Variants in NAALADL2 observed in about 807,000 individuals in gnomAD.
NAALADL2 encodes the protein inactive N-acetylated-alpha-linked acidic dipeptidase-like protein 2.
Under a neutral mutation model 87.2 loss-of-function variants are expected in NAALADL2, and 76 were observed. The ratio of observed to expected loss-of-function variants is 0.87; its 90% CI spans 0.72 to 1.05. The LOEUF is 1.05. Among genes scored for constraint, NAALADL2 ranks in the 50% least tolerant of loss-of-function variants. The probability of loss-of-function intolerance (pLI) is 0.00; values close to 1 mark genes in which losing one functional copy is unlikely to be tolerated. For synonymous variants in NAALADL2, 354 were observed against 331.0 expected, an observed-to-expected ratio of 1.07 and a Z score of -0.75; for missense variants, 1,089 against 945.8, an observed-to-expected ratio of 1.15 and a Z score of -1.99.
At chr3:175,282,579 CT>C (rs528870238) in intron 4 of NAALADL2, among the ~76,000 whole-genome samples, 4 of 152,164 alleles carry the variant, frequency 2.6e-5, no homozygotes, top group African/African-American at 7.2e-5. Context: ...ACCTATCTAC[CT>C]GTCACCTGCC....
rs142110969 is a variant in NAALADL2, at chr3:175,354,881, TACACAC to T, written c.1090+30574_1090+30579del. Among the ~76,000 whole-genome samples the T allele has an allele frequency of 1.4e-4, 21 of 146,934 alleles. No individual in the cohort carries two copies. In the East Asian group the frequency reaches 4.0e-3, roughly 28 times the overall value. ...CTATACATACATACATACATATATA[TACACAC>T]ACACACACACACACACATATACACA... On this transcript the variant is annotated intron_variant, in intron 5 of 13. Coordinates refer to ENST00000454872, the MANE Select transcript of NAALADL2 (RefSeq NM_207015.3).
intron 2 of NAALADL2, among the ~76,000 whole-genome samples, chr3:175,215,980 A>G (rs1034336699): frequency 6.6e-6 from 1 of 152,174 alleles, no homozygotes; most frequent in African/African-American, 2.4e-5. Flanking sequence ...ATTAATTTCT[A>G]TGACATGATG....
rs1487731303 is a variant in NAALADL2, at chr3:175,803,596, A to G, written c.*393A>G. On this transcript the variant is annotated 3_prime_UTR_variant, in exon 14 of 14. Transcript: ENST00000454872. ...GAGCTATTAATGACTTAGTTTCTGT[A>G]AAAGAAATGGAGAGTTGATATGGTT... The G allele has an allele frequency of 6.7e-6, 1 of 150,202 alleles. No homozygotes were observed. The highest frequency in any genetic ancestry group is 2.7e-5 in the African/African-American group (1 of 37,018). 9.3% of individuals were successfully genotyped at this position (150,202 alleles called of 1,614,324 possible). A position where few individuals can be genotyped will look rare whatever the true frequency, so the allele number is the denominator to read the frequency against.
At chr3:175,183,641 T>A (rs1444593475) in intron 2 of NAALADL2, among the ~76,000 whole-genome samples, 2 of 152,104 alleles carry the variant, frequency 1.3e-5, no homozygotes, top group Admixed American at 6.6e-5. Flanking sequence ...TTTATAGGTT[T>A]GTGTGTATTA....
chr3:174,521,571 CAAAAAAAAAAAAA>C (rs58465181), intron 1 of NAALADL2, among the ~76,000 whole-genome samples: 1 of 56,190 alleles, frequency 1.8e-5, no homozygotes, highest in African/African-American at 7.2e-5. Context: ...GACCCTGTCT[CAAAAAAAAAAAAA>C]AAAAAAAAAA....
chr3:175,536,735 G>A (rs1225087812), intron 9 of NAALADL2, among the ~76,000 whole-genome samples: 1 of 152,122 alleles, frequency 6.6e-6, no homozygotes. Context: ...GGATGGTTGC[G>A]ATCTCCTGAC....
At chr3:174,926,557 T>G (rs1259554151) in intron 1 of NAALADL2, among the ~76,000 whole-genome samples, 1 of 152,098 alleles carries the variant, frequency 6.6e-6, no homozygotes, top group Non-Finnish European at 1.5e-5. Flanking sequence ...TATTCAACAT[T>G]CTTAAAGAAA....
chr3:175,097,055 A>C lies in NAALADL2; in HGVS notation c.309A>C (p.Glu103Asp). Reference sequence around the variant, plus strand: ...GAAGGTTCCAGAGACTTCAAGAAGAATCTGACTACATTACCCATTATACAC... The same window carrying C: ...GAAGGTTCCAGAGACTTCAAGAAGACTCTGACTACATTACCCATTATACAC... The part of the protein sequence containing the change: ...PKGRFQRLQE[E>D]SDYITHYTRS... The change falls in exon 2 of 14, where the codon GAA becomes GAC. Residue 103 changes from glutamate (E) to aspartate (D), a missense_variant. Glu to Asp is a conservative substitution (Grantham distance 45). Coordinates refer to ENST00000454872, the MANE Select transcript of NAALADL2 (RefSeq NM_207015.3). 1.2e-6 allele frequency: 2 copies of C among 1,613,780 alleles called. No homozygotes were observed. The highest frequency in any genetic ancestry group is 2.7e-5 in the African/African-American group (2 of 75,042).
At chr3:174,490,422 T>C (rs1718108460) in intron 1 of NAALADL2, among the ~76,000 whole-genome samples, 1 of 152,090 alleles carries the variant, frequency 6.6e-6, no homozygotes, top group Admixed American at 6.6e-5. Context: ...GAATGACTGT[T>C]AATGGGCATG....
intron 5 of NAALADL2, among the ~76,000 whole-genome samples, chr3:175,417,244 T>C (rs1714813863): frequency 6.6e-6 from 1 of 151,776 alleles, no homozygotes; most frequent in South Asian, 2.1e-4. Flanking sequence ...GCATCTACTC[T>C]AATTAATTAC....
chr3:175,685,781 A>G (rs1332697815), intron 11 of NAALADL2, among the ~76,000 whole-genome samples: 1 of 152,188 alleles, frequency 6.6e-6, no homozygotes, highest in Non-Finnish European at 1.5e-5. Context: ...GGACAATGAC[A>G]TTGGTTACGA....
At chr3:175,470,906 GCGTAGCTCATTGCTTCAAA>G (rs1560605916) in intron 8 of NAALADL2, among the ~76,000 whole-genome samples, 15 of 152,226 alleles carry the variant, frequency 9.9e-5, no homozygotes, top group African/African-American at 3.4e-4. Context: ...ATTTTGTGCA[GCGTAGCTCATTGCTTCAAA>G]AGTAAAGGGC....
In NAALADL2 at chr3:175,140,382, C is replaced by G. The variant is rs143417114; in HGVS notation, c.545+43091C>G. Among the ~76,000 whole-genome samples, 608 of 152,146 alleles carry G rather than the reference C, an allele frequency of 4.0e-3. 7 individuals carry two copies. Among genetic ancestry groups the G allele is most frequent in the African/African-American group, 0.014 (562 of 41,524 alleles). ...TCCCTGTCCTCAGAGAGCTTATAGT[C>G]TTCTGGGAATGAGAATTATGCAACA... On this transcript the variant is annotated intron_variant, in intron 2 of 13. Transcript: ENST00000454872.
intron 2 of NAALADL2, among the ~76,000 whole-genome samples, chr3:174,568,082 C>G (rs372618447): frequency 8.6e-5 from 13 of 151,750 alleles, no homozygotes; most frequent in African/African-American, 2.7e-4. Flanking sequence ...TTTAAGTATT[C>G]ATGTCGTTTG....
chr3:174,988,604 A>G (rs1297372696), intron 1 of NAALADL2, among the ~76,000 whole-genome samples: 1 of 152,186 alleles, frequency 6.6e-6, no homozygotes, highest in Admixed American at 6.5e-5. Flanking sequence ...TGGCAGAGCC[A>G]TATTCCCTCT....
At position 175,187,199 on chromosome 3, in the gene NAALADL2, G is replaced by A. The variant is rs182654262; in HGVS notation, c.546-46732G>A. Among the ~76,000 whole-genome samples, 118 of 152,118 alleles carry A rather than the reference G, an allele frequency of 7.8e-4. 1 individual carries two copies. The highest frequency in any genetic ancestry group is 2.6e-3 in the African/African-American group (106 of 41,518). The stretch of plus-strand genomic sequence containing the variant: ...ACATATTTATTTGATCATTCATTAA[G>A]TTCATAAACACTTTATAAACATCTA... On this transcript the variant is annotated intron_variant, in intron 2 of 13. Coordinates refer to ENST00000454872, the MANE Select transcript of NAALADL2 (RefSeq NM_207015.3).
chr3:174,896,212 A>T (rs1731508913), intron 1 of NAALADL2, among the ~76,000 whole-genome samples: 1 of 152,110 alleles, frequency 6.6e-6, no homozygotes, highest in Non-Finnish European at 1.5e-5. Flanking sequence ...TTTAAAGGAC[A>T]TCCACACTGA....
At chr3:175,013,287 ATATATATATATATATT>A (rs1750361343) in intron 1 of NAALADL2, among the ~76,000 whole-genome samples, 2 of 86,388 alleles carry the variant, frequency 2.3e-5, no homozygotes, top group Admixed American at 1.4e-4. Context: ...ACATATATAT[ATATATATATATATATT>A]TTTTTTTTTT....
intron 1 of NAALADL2, among the ~76,000 whole-genome samples, chr3:174,941,355 G>A (rs956395955): frequency 1.3e-5 from 2 of 152,020 alleles, no homozygotes; most frequent in Non-Finnish European, 2.9e-5. Context: ...ACTATGGTCC[G>A]AGACTGTGTT....
Sources: allele counts gnomAD v4.1 joint callset (sites outside exome capture counted in the v4.1 genomes callset), GRCh38; gene constraint gnomAD v4.1.1; transcripts MANE v1.5; gene names NCBI Gene and HGNC (gene_info 2026-07-23, HGNC 2026-07-21).